The following UBA1 variants were observed in gnomAD, a reference collection of about 807,000 sequenced individuals.
The protein encoded by UBA1 is ubiquitin-like modifier-activating enzyme 1.
A neutral mutation model predicts 84.7 loss-of-function variants in UBA1; 4 were observed. The observed-to-expected ratio is 0.05, with a 90% CI of 0.02 to 0.11. UBA1 has a LOEUF of 0.11. Ranked by LOEUF, UBA1 falls within the 10% of genes least tolerant of loss-of-function variation. UBA1 has a pLI of 1.00. For missense variants in UBA1, 513 were observed against 902.8 expected, an observed-to-expected ratio of 0.57 and a Z score of 5.53; for synonymous variants, 364 against 362.6, an observed-to-expected ratio of 1.00 and a Z score of -0.04.
chrX:47,195,149 G>A (rs1556785058), intron 1 of UBA1, among the ~76,000 whole-genome samples: 1 of 111,984 alleles, frequency 8.9e-6, no homozygotes, highest in African/African-American at 3.2e-5. Context: ...GGTCCCTAAC[G>A]TCTGCAGTCA....
intron 1 of UBA1, chrX:47,198,348 T>C (rs1556786224): frequency 2.1e-6 from 2 of 937,167 alleles, no homozygotes. Flanking sequence ...GATAACCCCG[T>C]GGGGAAGGTA....
At chrX:47,200,871 C>T (rs1556787551) in intron 5 of UBA1, 23 bp from the exon 6 acceptor site, 1 of 1,152,658 alleles carries the variant, frequency 8.7e-7, no homozygotes, top group South Asian at 1.9e-5. Flanking sequence ...CAATGCTGGG[C>T]CTGAGCCTCC....
intron 3 of UBA1, 21 bp downstream of exon 3, chrX:47,199,127 G>C (rs1556786570): frequency 8.2e-7 from 1 of 1,212,474 alleles, no homozygotes; most frequent in South Asian, 1.8e-5. Flanking sequence ...CCAAGGCCGG[G>C]CTGAGGGGTG....
At chrX:47,205,264 T>C (rs782075962) in intron 14 of UBA1, 101 of 254,809 alleles carry the variant, frequency 4.0e-4, no homozygotes, top group South Asian at 1.6e-3. Context: ...CGTGGCCCAA[T>C]TTGGGCTTTG....
chrX:47,208,977 G>C (rs1165508347), intron 16 of UBA1: 2 of 113,524 alleles, frequency 1.8e-5, no homozygotes, highest in African/African-American at 6.5e-5. Context: ...TGCTGTCCCA[G>C]CTATTCGGGA....
At chrX:47,200,221 T>G (rs1556787289) in intron 5 of UBA1, among the ~76,000 whole-genome samples, 1 of 112,466 alleles carries the variant, frequency 8.9e-6, no homozygotes, top group Non-Finnish European at 1.9e-5. Flanking sequence ...TTGTTTCATC[T>G]CCTGTACCTT....
chrX:47,211,032 C>G lies in UBA1; in HGVS notation c.2275-4C>G. 1 of 1,211,711 alleles carries G rather than the reference C, an allele frequency of 8.3e-7. No individual in the cohort carries two copies. Among genetic ancestry groups the G allele is most frequent in the South Asian group, 1.8e-5 (1 of 56,985 alleles). ...TCACCCTTCCCTGCCCTGCCTTCTC[C>G]TAGCCCCTGCATCTGGACTATGTGA... On this transcript the variant is annotated splice_polypyrimidine_tract_variant and splice_region_variant and intron_variant, in intron 19 of 25. Coordinates refer to ENST00000335972, the MANE Select transcript of UBA1 (RefSeq NM_003334.4).
intron 1 of UBA1, chrX:47,197,855 C>T (rs1190590791): frequency 1.4e-4 from 82 of 599,415 alleles, no homozygotes; most frequent in Non-Finnish European, 1.6e-4. Flanking sequence ...TTTTCCATCA[C>T]TTTAAAGTTG....
intron 5 of UBA1, among the ~76,000 whole-genome samples, chrX:47,200,512 C>T (rs1363951036): frequency 1.8e-5 from 2 of 111,588 alleles, no homozygotes; most frequent in African/African-American, 3.3e-5. Flanking sequence ...AAGATCATGG[C>T]GGAGCAGGCG....
At chrX:47,194,571 A>G (rs1040536622) in intron 1 of UBA1, among the ~76,000 whole-genome samples, 2 of 111,700 alleles carry the variant, frequency 1.8e-5, no homozygotes, top group Non-Finnish European at 3.8e-5. Context: ...CACACATGCT[A>G]GCCGCGCTCA....
intron 16 of UBA1, among the ~76,000 whole-genome samples, chrX:47,208,260 G>C (rs1448647629): frequency 1.1e-5 from 1 of 89,764 alleles, no homozygotes; most frequent in Admixed American, 1.2e-4. Context: ...CAACTCCTGG[G>C]AAGTGTCTGT....
intron 23 of UBA1, among the ~76,000 whole-genome samples, chrX:47,213,796 G>A (rs1198524602): frequency 9.0e-6 from 1 of 111,066 alleles, no homozygotes; most frequent in Non-Finnish European, 1.9e-5. Flanking sequence ...GAACCCGGGA[G>A]GCGGAGGTTG....
intron 16 of UBA1, among the ~76,000 whole-genome samples, chrX:47,208,241 G>A (rs1227493417): frequency 8.9e-6 from 1 of 112,611 alleles, no homozygotes; most frequent in Non-Finnish European, 1.9e-5. Flanking sequence ...ATAGCTCACT[G>A]CAACCTTCCA....
At chrX:47,201,034 T>A (rs1556787740) in intron 6 of UBA1, 34 bp downstream of exon 6, 4 of 1,115,932 alleles carry the variant, frequency 3.6e-6, no homozygotes. Context: ...CCTGTCCCCT[T>A]TTCCCCCAAC....
chrX:47,203,947 C>T (rs1036873036), intron 14 of UBA1, among the ~76,000 whole-genome samples: 1 of 108,345 alleles, frequency 9.2e-6, no homozygotes, highest in Non-Finnish European at 1.9e-5. Flanking sequence ...AGGGTTTCTC[C>T]ATGTTGGTCA....
chrX:47,202,572 G>A (rs1936458833), intron 10 of UBA1, 66 bp from the exon 11 acceptor site: 9 of 1,205,436 alleles, frequency 7.5e-6, no homozygotes, highest in African/African-American at 3.5e-5. Flanking sequence ...GCCTCTCTGC[G>A]TGTCCACACT....
intron 5 of UBA1, 98 bp downstream of exon 5, chrX:47,199,712 G>T: frequency 1.9e-6 from 2 of 1,047,774 alleles, no homozygotes; most frequent in South Asian, 3.8e-5. Context: ...GGGTCGGCCT[G>T]AATGTCAGGT....
intron 1 of UBA1, among the ~76,000 whole-genome samples, chrX:47,195,992 C>A (rs1016892462): frequency 1.2e-4 from 13 of 110,936 alleles, no homozygotes; most frequent in Non-Finnish European, 1.9e-4. Context: ...CCTCTCCCCC[C>A]AGACCCCAAC....
In UBA1 at chrX:47,202,987, T is replaced by C; in HGVS notation, c.1278T>C (p.Phe426=). 8.3e-7 allele frequency: 1 copy of C among 1,211,945 alleles called. No individual in the cohort carries two copies. The highest frequency in any genetic ancestry group is 1.1e-6 in the Non-Finnish European group (1 of 895,505). Residue 426 remains phenylalanine, a synonymous_variant, in exon 12 of 26, where the codon TTT becomes TTC. Transcript: ENST00000335972. ...KFMPIMQWLY[F]DALECLPEDK... is the part of the protein sequence containing the mutation. ...TGCCCATCATGCAGTGGCTATACTT[T>C]GATGCCCTTGAGTGTCTCCCTGAGG...
Sources: gnomAD v4.1 joint callset for allele counts (sites outside exome capture counted in the v4.1 genomes callset) on GRCh38, gnomAD v4.1.1 for gene constraint, MANE v1.5 for transcripts, NCBI Gene and HGNC (gene_info 2026-07-23, HGNC 2026-07-21) for gene names.